The following PTPRE variants were observed in gnomAD, a reference collection of about 807,000 sequenced individuals.
The protein encoded by PTPRE is protein tyrosine phosphatase receptor type E, also known as receptor-type tyrosine-protein phosphatase epsilon.
PTPRE carries 51 observed loss-of-function variants against 102.0 expected under a neutral mutation model. The observed-to-expected ratio is 0.50, with a 90% CI of 0.40 to 0.63. PTPRE has a LOEUF of 0.63. PTPRE is among the 30% of genes least tolerant of loss of function. The probability of loss-of-function intolerance (pLI) is 0.00; values close to 1 mark genes in which losing one functional copy is unlikely to be tolerated. For synonymous variants in PTPRE, 345 were observed against 348.2 expected (o/e 0.99, Z 0.10); for missense variants, 752 against 915.1 (o/e 0.82, Z 2.30).
At chr10:128,036,390 A>G (rs1847219831) in intron 2 of PTPRE, among the ~76,000 whole-genome samples, 1 of 151,950 alleles carries the variant, frequency 6.6e-6, no homozygotes, top group Admixed American at 6.6e-5. Flanking sequence ...TGTCCTCTCT[A>G]ATGCAACCTT....
At chr10:128,041,705 C>T (rs1047711086) in intron 3 of PTPRE, among the ~76,000 whole-genome samples, 2 of 147,056 alleles carry the variant, frequency 1.4e-5, no homozygotes, top group East Asian at 2.0e-4. Context: ...CAGATATTGG[C>T]GTCATGGTTA....
chr10:128,055,709 C>G (rs1463669261), intron 6 of PTPRE, among the ~76,000 whole-genome samples: 1 of 151,986 alleles, frequency 6.6e-6, no homozygotes, highest in Admixed American at 6.6e-5. Context: ...CGCTGTAAAC[C>G]CTCCGCATGC....
chr10:128,071,559 C>G (rs978271538), intron 15 of PTPRE: 1 of 154,774 alleles, frequency 6.5e-6, no homozygotes, highest in Non-Finnish European at 1.4e-5. Context: ...CTTGAGAAAC[C>G]CGGCCCCAAA....
At chr10:128,082,639 C>T (rs1198179521) in intron 20 of PTPRE, among the ~76,000 whole-genome samples, 193 bp from the exon 21 acceptor site, 2 of 152,144 alleles carry the variant, frequency 1.3e-5, no homozygotes, top group Non-Finnish European at 2.9e-5. Flanking sequence ...CTAACTGACA[C>T]ATTCTACGTA....
At chr10:127,994,275 TC>T (rs1853020357) in intron 2 of PTPRE, among the ~76,000 whole-genome samples, 1 of 152,142 alleles carries the variant, frequency 6.6e-6, no homozygotes, top group African/African-American at 2.4e-5. Context: ...CAGCCAGAGC[TC>T]TCTTCTCTGA....
chr10:128,030,488 G>A (rs1225238076), intron 2 of PTPRE, among the ~76,000 whole-genome samples: 1 of 152,126 alleles, frequency 6.6e-6, no homozygotes, highest in East Asian at 1.9e-4. Flanking sequence ...TCCGTGGCCC[G>A]GGCCCTTCAG....
chr10:128,032,920 A>G (rs1846892876), intron 2 of PTPRE, among the ~76,000 whole-genome samples: 1 of 152,212 alleles, frequency 6.6e-6, no homozygotes, highest in Admixed American at 6.5e-5. Context: ...TTTGCCTTAA[A>G]CTTGTGGGTC....
At chr10:127,951,670 G>A (rs1849034934) in intron 1 of PTPRE, among the ~76,000 whole-genome samples, 1 of 152,188 alleles carries the variant, frequency 6.6e-6, no homozygotes, top group African/African-American at 2.4e-5. Flanking sequence ...CCTGACCTGT[G>A]GAGTGAAGGC....
intron 3 of PTPRE, among the ~76,000 whole-genome samples, chr10:128,043,452 C>T (rs1034388936): frequency 1.3e-5 from 2 of 152,190 alleles, no homozygotes; most frequent in Non-Finnish European, 2.9e-5. Context: ...GGCGCTCAGG[C>T]GATAATGCCT....
intron 2 of PTPRE, among the ~76,000 whole-genome samples, chr10:127,997,150 G>A (rs931614076): frequency 1.2e-4 from 18 of 152,122 alleles, no homozygotes; most frequent in African/African-American, 4.3e-4. Context: ...TCAAACAGCA[G>A]CCTCTGAAGT....
At chr10:128,007,441 AG>A (rs1844593058) in intron 2 of PTPRE, among the ~76,000 whole-genome samples, 1 of 152,244 alleles carries the variant, frequency 6.6e-6, no homozygotes, top group East Asian at 1.9e-4. Context: ...TTATTTGGGT[AG>A]GGGGAGGAGT....
chr10:127,987,374 C>A (rs1253057505), intron 2 of PTPRE: 5 of 1,280,940 alleles, frequency 3.9e-6, no homozygotes, highest in African/African-American at 3.0e-5. Context: ...GGTTTCCCAG[C>A]GTCTTCCCAG....
chr10:127,989,173 C>T (rs1412894317), intron 2 of PTPRE, among the ~76,000 whole-genome samples: 1 of 151,776 alleles, frequency 6.6e-6, no homozygotes, highest in Non-Finnish European at 1.5e-5. Flanking sequence ...TAGATAGCTT[C>T]TTAAAGCTAT....
At chr10:128,072,478 C>T in intron 16 of PTPRE, 1 of 323,062 alleles carries the variant, frequency 3.1e-6, no homozygotes, top group South Asian at 5.4e-5. Flanking sequence ...TATGGCAAAA[C>T]CCGTCTCTAC....
Position 127,927,051 on chromosome 10 carries a change from C to G in PTPRE, c.-31+19742C>G, listed in dbSNP as rs539089675. 9.9e-5 allele frequency among the ~76,000 whole-genome samples: 15 copies of G among 152,070 alleles called. 1 individual carries two copies. The East Asian group carries it at 2.3e-3, about 24-fold the overall frequency. On this transcript the variant is annotated intron_variant, in intron 1 of 20. Coordinates refer to ENST00000254667, the MANE Select transcript of PTPRE (RefSeq NM_006504.6). ...AGTCTCGAACTCCTGACCTCATGAT[C>G]TGCCAGCCTCGGCCTCCCAAAGTCC...
chr10:128,050,942 T>G (rs1848519979), intron 6 of PTPRE, among the ~76,000 whole-genome samples: 1 of 152,252 alleles, frequency 6.6e-6, no homozygotes, highest in Non-Finnish European at 1.5e-5. Context: ...TGCTTGTTTT[T>G]TGGTGCAAGC....
intron 3 of PTPRE, among the ~76,000 whole-genome samples, chr10:128,045,055 C>A (rs1335772147): frequency 6.6e-6 from 1 of 152,232 alleles, no homozygotes; most frequent in Non-Finnish European, 1.5e-5. Context: ...CCCCACCTGG[C>A]CTCCCCACAC....
At chr10:127,941,033 G>A (rs1201995431) in intron 1 of PTPRE, among the ~76,000 whole-genome samples, 2 of 152,190 alleles carry the variant, frequency 1.3e-5, no homozygotes, top group African/African-American at 4.8e-5. Context: ...GCACCAAGCT[G>A]GCAGGGCAGG....
chr10:127,971,483 G>A (rs1292107255), intron 1 of PTPRE, among the ~76,000 whole-genome samples: 1 of 152,184 alleles, frequency 6.6e-6, no homozygotes, highest in Non-Finnish European at 1.5e-5. Flanking sequence ...CCTGCCCAGT[G>A]TTTTCACTCG....
Sources: allele counts gnomAD v4.1 joint callset (sites outside exome capture counted in the v4.1 genomes callset), GRCh38; gene constraint gnomAD v4.1.1; transcripts MANE v1.5; gene names NCBI Gene and HGNC (gene_info 2026-07-23, HGNC 2026-07-21).